Variants in INPP4B observed in about 807,000 individuals in gnomAD.
The protein encoded by INPP4B is inositol polyphosphate 4-phosphatase type II.
INPP4B carries 55 observed loss-of-function variants against 122.5 expected under a neutral mutation model. The ratio of observed to expected loss-of-function variants is 0.45; its 90% confidence interval spans 0.36 to 0.56. The LOEUF is 0.56. Among genes scored for constraint, INPP4B ranks in the 20% least tolerant of loss-of-function variants. The pLI is 0.00. For missense variants in INPP4B, 1,000 were observed against 1,097.7 expected, an observed-to-expected ratio of 0.91 and a Z score of 1.26; for synonymous variants, 403 against 388.7, an observed-to-expected ratio of 1.04 and a Z score of -0.43.
intron 7 of INPP4B, among the ~76,000 whole-genome samples, chr4:142,394,530 A>G (rs1179160369): frequency 6.6e-6 from 1 of 152,182 alleles, no homozygotes; most frequent in African/African-American, 2.4e-5. Flanking sequence ...GTGAGGTGAT[A>G]TCTCATTATG....
At chr4:142,452,496 A>G (rs547194926) in intron 3 of INPP4B, among the ~76,000 whole-genome samples, 14 of 152,330 alleles carry the variant, frequency 9.2e-5, no homozygotes, top group Admixed American at 5.2e-4. Context: ...GCTTAGCTAA[A>G]TCTTTAAAAT....
chr4:142,540,307 T>C (rs1037376662), intron 2 of INPP4B, among the ~76,000 whole-genome samples: 7 of 151,452 alleles, frequency 4.6e-5, no homozygotes, highest in Non-Finnish European at 1.0e-4. Context: ...GTCACATTTG[T>C]ATGAAAAGGA....
chr4:142,324,820 A>C (rs1361639932), intron 7 of INPP4B, among the ~76,000 whole-genome samples: 1 of 152,152 alleles, frequency 6.6e-6, no homozygotes, highest in Non-Finnish European at 1.5e-5. Context: ...AGCCTTCTGC[A>C]AAGTGTCAGA....
chr4:142,068,799 GC>G lies in INPP4B; in HGVS notation c.2642+13231del, dbSNP rs566047883. Among the ~76,000 whole-genome samples the G allele has an allele frequency of 3.0e-3, 451 of 152,270 alleles. 8 individuals are homozygous for G. Among genetic ancestry groups the G allele is most frequent in the Admixed American group, 0.029 (439 of 15,290 alleles). On this transcript the variant is annotated intron_variant, in intron 25 of 25. Coordinates refer to ENST00000262992, the MANE Select transcript of INPP4B (RefSeq NM_001101669.3). Reference sequence around the variant, plus strand: ...AGAGCTAACTATCTTAAATATATATGCACCCAATACAGGAGCACCCTGATTC... The same window carrying G: ...AGAGCTAACTATCTTAAATATATATGACCCAATACAGGAGCACCCTGATTC...
chr4:142,738,815 A>G (rs1299674393), intron 1 of INPP4B, among the ~76,000 whole-genome samples: 1 of 152,128 alleles, frequency 6.6e-6, no homozygotes. Context: ...AAAGATCAGT[A>G]GTAGAGGAGC....
chr4:142,419,973 G>A (rs1806523890), intron 5 of INPP4B, among the ~76,000 whole-genome samples: 1 of 152,060 alleles, frequency 6.6e-6, no homozygotes, highest in African/African-American at 2.4e-5. Flanking sequence ...AACAGATGCT[G>A]CACAGAGGGA....
rs149648891 is a variant in INPP4B at position 142,510,513 on chromosome 4, G to A, written c.-190-47787C>T. On this transcript the variant is annotated intron_variant, in intron 2 of 25. Transcript: ENST00000262992. ...CAAATACACAATAAAATAATTAAAC[G>A]CCTCTTTTGCACATAGCTTGAAAAC... Among the ~76,000 whole-genome samples, 862 of 152,190 alleles carry A rather than the reference G, an allele frequency of 5.7e-3. 5 individuals are homozygous for A. Among genetic ancestry groups the A allele is most frequent in the Middle Eastern group, 0.041 (12 of 294 alleles).
chr4:142,473,779 C>T (rs890037199), intron 2 of INPP4B, among the ~76,000 whole-genome samples: 13 of 152,150 alleles, frequency 8.5e-5, no homozygotes, highest in African/African-American at 3.1e-4. Context: ...TCCATGACCC[C>T]CACAGATAGC....
At chr4:142,421,871 A>G (rs1806977756) in intron 5 of INPP4B, among the ~76,000 whole-genome samples, 1 of 151,984 alleles carries the variant, frequency 6.6e-6, no homozygotes, top group Non-Finnish European at 1.5e-5. Context: ...TGCCCTTACC[A>G]CAATCTGCCT....
At chr4:142,510,002 T>C (rs1168713664) in intron 2 of INPP4B, among the ~76,000 whole-genome samples, 1 of 152,214 alleles carries the variant, frequency 6.6e-6, no homozygotes, top group African/African-American at 2.4e-5. Flanking sequence ...AGGCCTATCA[T>C]TTAATATTTT....
chr4:142,646,772 C>T (rs1292115931), intron 2 of INPP4B, among the ~76,000 whole-genome samples: 2 of 152,172 alleles, frequency 1.3e-5, no homozygotes, highest in Admixed American at 6.5e-5. Flanking sequence ...TAGAAAGTAA[C>T]CAATCTAGAT....
intron 25 of INPP4B, among the ~76,000 whole-genome samples, chr4:142,044,599 C>T (rs181607843): frequency 1.8e-3 from 275 of 151,680 alleles, no homozygotes; most frequent in African/African-American, 6.5e-3. Flanking sequence ...GTGTTCAGAG[C>T]ACTGATAGTG....
chr4:142,708,322 T>A (rs1464834986), intron 2 of INPP4B, among the ~76,000 whole-genome samples: 2 of 152,120 alleles, frequency 1.3e-5, no homozygotes, highest in East Asian at 3.9e-4. Context: ...GGGGAGGAAA[T>A]CAAGCAAGCT....
chr4:142,517,464 C>T lies in INPP4B; in HGVS notation c.-190-54738G>A, dbSNP rs569312855. Among the ~76,000 whole-genome samples the T allele has an allele frequency of 3.9e-4, 60 of 152,172 alleles. 1 individual carries two copies. Among genetic ancestry groups the T allele is most frequent in the Middle Eastern group, 3.4e-3 (1 of 294 alleles). On this transcript the variant is annotated intron_variant, in intron 2 of 25. Transcript: ENST00000262992. ...TGACAATACTAGACAGTTGGCTTCC[C>T]GGAACTGGGTAGTAAAATACATCCA...
chr4:142,042,605 C>T (rs1193932788), intron 25 of INPP4B, among the ~76,000 whole-genome samples: 1 of 152,032 alleles, frequency 6.6e-6, no homozygotes, highest in Non-Finnish European at 1.5e-5. Context: ...CTCCGTCGCC[C>T]AGGCTGGAGT....
intron 17 of INPP4B, among the ~76,000 whole-genome samples, chr4:142,152,664 G>T (rs1448570621): frequency 1.3e-5 from 2 of 152,042 alleles, no homozygotes; most frequent in Admixed American, 1.3e-4. Context: ...GGTGATCATA[G>T]CTCACTGCAA....
chr4:142,311,520 T>C (rs1765508204), intron 8 of INPP4B, among the ~76,000 whole-genome samples: 1 of 152,164 alleles, frequency 6.6e-6, no homozygotes, highest in Non-Finnish European at 1.5e-5. Flanking sequence ...ATTCAATACA[T>C]AGTTCATAGA....
chr4:142,817,672 T>C (rs1201772080), intron 1 of INPP4B, among the ~76,000 whole-genome samples: 1 of 152,112 alleles, frequency 6.6e-6, no homozygotes, highest in Non-Finnish European at 1.5e-5. Context: ...AAGCCAGGGA[T>C]TAAGACTCAC....
At chr4:142,374,788 T>A (rs1214128574) in intron 7 of INPP4B, among the ~76,000 whole-genome samples, 1 of 151,922 alleles carries the variant, frequency 6.6e-6, no homozygotes, top group Admixed American at 6.6e-5. Flanking sequence ...CCGTTTTTTA[T>A]TCAATGAGGT....
Sources: gnomAD v4.1 joint callset for allele counts (sites outside exome capture counted in the v4.1 genomes callset) on GRCh38, gnomAD v4.1.1 for gene constraint, MANE v1.5 for transcripts, NCBI Gene and HGNC (gene_info 2026-07-23, HGNC 2026-07-21) for gene names.